DHX38: variants seen among roughly 807,000 people sequenced by gnomAD.
DHX38 encodes the protein pre-mRNA-splicing factor ATP-dependent RNA helicase PRP16.
A neutral mutation model predicts 153.1 loss-of-function variants in DHX38; 100 were observed. That is an observed-to-expected ratio of 0.65 (90% CI 0.56 to 0.77). DHX38 has a LOEUF of 0.77. DHX38 is among the 30% of genes least tolerant of loss of function. The pLI, the probability that DHX38 is intolerant of heterozygous loss-of-function variation, is 0.00. For missense variants in DHX38, 1,440 were observed against 1,654.0 expected (o/e 0.87, Z 2.24); for synonymous variants, 650 against 631.7 (o/e 1.03, Z -0.43).
intron 18 of DHX38, 112 bp downstream of exon 18, chr16:72,105,736 A>AGTG (rs1215221261): frequency 1.4e-5 from 15 of 1,065,722 alleles, no homozygotes; most frequent in African/African-American, 1.6e-5. Flanking sequence ...AGCGCGTGGA[A>AGTG]GTGGTGGTGG....
Position 72,107,248 on chromosome 16 carries a change from A to G in DHX38, c.2601-92A>G. ...CTGAAGTAGTGGGTGGGGAGAAGAA[A>G]TGAGAATTTCCTCCCTCCCTGTGGG... On this transcript the variant is annotated intron_variant, in intron 19 of 26. Transcript: ENST00000268482. This position sits in a 1 kb window ranked among gnomAD's most constrained non-coding sequence, Gnocchi z 5.3. 7.4e-7 allele frequency: 1 copy of G among 1,345,578 alleles called. No individual in the cohort carries two copies. The highest frequency in any genetic ancestry group is 1.0e-6 in the Non-Finnish European group (1 of 990,422). 83.4% of individuals were successfully genotyped at this position (1,345,578 alleles called of 1,614,324 possible).
rs752119455 is a variant in DHX38, at chr16:72,098,974, C to T, written c.812C>T (p.Ser271Phe). The change falls in exon 6 of 27, where the codon TCC becomes TTC. Residue 271 changes from serine to phenylalanine, a missense_variant. Around this residue, in one of 6 missense-constraint regions of DHX38, gnomAD observed 483 missense variants for 465.1 expected, o/e 1.04. Transcript: ENST00000268482. ...GATGACACGCCTCTGCCAACTCCCT[C>T]CTACAAATATAACGAGTGGGCCGAT... Reference protein sequence around the residue: ...YSDDTPLPTPSYKYNEWADDR... With the variant: ...YSDDTPLPTPFYKYNEWADDR... The T allele has an allele frequency of 3.7e-6, 6 of 1,613,968 alleles. No homozygotes were observed. Among genetic ancestry groups the T allele is most frequent in the South Asian group, 3.3e-5 (3 of 91,078 alleles).
At position 72,104,519 on chromosome 16, in the gene DHX38, G is replaced by A. The variant is rs746331841; in HGVS notation, c.2044G>A (p.Val682Ile). ...TCGGCGCTCAGACCTGAAGCTCATC[G>A]TCACATCAGCCACGATGGATGCGGA... ...VARRSDLKLIVTSATMDAEKF... is the reference protein window; with the variant it reads ...VARRSDLKLIITSATMDAEKF... The change falls in exon 15 of 27, where the codon GTC becomes ATC. Residue 682 changes from valine (V) to isoleucine (I), a missense_variant. By Grantham distance (29) the Val-to-Ile change is conservative. Coordinates refer to ENST00000268482, the MANE Select transcript of DHX38 (RefSeq NM_014003.4). This position sits in a 1 kb window ranked among gnomAD's most constrained non-coding sequence, Gnocchi z 4.5. 4.3e-6 allele frequency: 7 copies of A among 1,614,058 alleles called. No individual in the cohort carries two copies. The highest frequency in any genetic ancestry group is 2.7e-5 in the African/African-American group (2 of 75,024).
rs1323762165 is a variant in DHX38 at position 72,107,751 on chromosome 16, G to A, written c.2916G>A (p.Leu972=). Residue 972 remains leucine (L), a synonymous_variant, in exon 21 of 27, where the codon CTG becomes CTA. Transcript: ENST00000268482. The surrounding 1 kb of genome is among the most constrained non-coding windows in gnomAD (Gnocchi z 5.3). ...ACATGGGCTGCAGCTCCGAGATCCT[G>A]CTCATCGTTTCCATGCTCTCGGTCC... ...SCDMGCSSEI[L]LIVSMLSVPA... The A allele has an allele frequency of 1.2e-6, 2 of 1,613,952 alleles. No homozygotes were observed. Among genetic ancestry groups the A allele is most frequent in the African/African-American group, 1.3e-5 (1 of 74,912 alleles).
At position 72,103,939 on chromosome 16, in the gene DHX38, C is replaced by T. The variant is rs780268507; in HGVS notation, c.1825-7C>T. 3.7e-6 allele frequency: 6 copies of T among 1,613,352 alleles called. No individual in the cohort carries two copies. Among genetic ancestry groups the T allele is most frequent in the Non-Finnish European group, 5.1e-6 (6 of 1,179,304 alleles). ...CAGGGCATCTGAGCCATCTCTCTGA[C>T]CTCCAGGTGGGCTATGCCATCCGCT... On this transcript the variant is annotated splice_polypyrimidine_tract_variant and splice_region_variant and intron_variant, in intron 13 of 26. Coordinates refer to ENST00000268482, the MANE Select transcript of DHX38 (RefSeq NM_014003.4).
chr16:72,111,397 C>T (rs547106105), intron 26 of DHX38, among the ~76,000 whole-genome samples: 9 of 152,190 alleles, frequency 5.9e-5, no homozygotes, highest in South Asian at 2.1e-4. Context: ...TGGGCTTCTG[C>T]GTCTGTGCTG....
At chr16:72,109,600 C>G in intron 25 of DHX38, 90 bp downstream of exon 25, 1 of 1,207,680 alleles carries the variant, frequency 8.3e-7, no homozygotes, top group Non-Finnish European at 1.1e-6. Context: ...GGTCATCCAA[C>G]CCACTTACTT....
At position 72,106,127 on chromosome 16, in the gene DHX38, C is replaced by G; in HGVS notation, c.2600+10C>G. ...CAGGTCAGTGTTTCAGGTAGGAGCC[C>G]TGTGCTAGCCTGCTTTCTGGGGCAG... On this transcript the variant is annotated intron_variant, in intron 19 of 26. Transcript: ENST00000268482. The G allele has an allele frequency of 6.2e-7, 1 of 1,613,284 alleles. No homozygotes were observed. Among genetic ancestry groups the G allele is most frequent in the Non-Finnish European group, 8.5e-7 (1 of 1,179,490 alleles).
rs768937822 is a variant in DHX38 at position 72,109,405 on chromosome 16, C to T, written c.3382-10C>T. ...CTGTGACCCTCGCCTCCCTGCCCTT[C>T]TGCCCGCAGGAGTATATGCAGTGTG... On this transcript the variant is annotated splice_polypyrimidine_tract_variant and intron_variant, in intron 24 of 26. Coordinates refer to ENST00000268482, the MANE Select transcript of DHX38 (RefSeq NM_014003.4). 4 of 1,612,404 alleles carry T rather than the reference C, an allele frequency of 2.5e-6. No individual in the cohort carries two copies. The highest frequency in any genetic ancestry group is 3.4e-6 in the Non-Finnish European group (4 of 1,179,524).
chr16:72,094,025 AG>A lies in DHX38; in HGVS notation c.-43del, dbSNP rs966903505. The A allele has an allele frequency of 6.6e-6, 1 of 152,336 alleles. No homozygotes were observed. Among genetic ancestry groups the A allele is most frequent in the African/African-American group, 2.4e-5 (1 of 41,440 alleles). 9.4% of individuals were successfully genotyped at this position (152,336 alleles called of 1,614,324 possible). A position where few individuals can be genotyped will look rare whatever the true frequency, so the allele number is the denominator to read the frequency against. ...CCGGCGCCCCAGAATCCGGGACAGA[AG>A]GGTCCCAAGAGTCGCGCTTGGTGAG... On this transcript the variant is annotated 5_prime_UTR_variant, in exon 1 of 27. Transcript: ENST00000268482.
In DHX38 at chr16:72,111,096, G is replaced by A; in HGVS notation, c.3599+19G>A. The A allele has an allele frequency of 1.3e-6, 2 of 1,545,182 alleles. No individual in the cohort carries two copies. The highest frequency in any genetic ancestry group is 2.4e-5 in the East Asian group (1 of 41,096). ...GTGTCAGGTGAGCTCCGGCCTTCGG[G>A]CTCTGGCTGGGGTGGCACCCATCCC... On this transcript the variant is annotated intron_variant, in intron 26 of 26. Coordinates refer to ENST00000268482, the MANE Select transcript of DHX38 (RefSeq NM_014003.4).
rs975609261 is a variant in DHX38, at chr16:72,096,033, G to A, written c.-19-106G>A. The A allele has an allele frequency of 6.8e-6, 8 of 1,170,226 alleles. No individual in the cohort carries two copies. In the African/African-American group the frequency reaches 1.1e-4, roughly 16 times the overall value. The allele number at this position is 1,170,226 out of a possible 1,614,324, so 72.5% of individuals were successfully genotyped here. A position where few individuals can be genotyped will look rare whatever the true frequency, so the allele number is the denominator to read the frequency against. Reference sequence around the variant, plus strand: ...AGCAAAAGTAGTCCTGGTCTTAAGGGGAGATGGGGAAGGTTAATCACCTAC... The same window carrying A: ...AGCAAAAGTAGTCCTGGTCTTAAGGAGAGATGGGGAAGGTTAATCACCTAC... On this transcript the variant is annotated intron_variant, in intron 1 of 26. Coordinates refer to ENST00000268482, the MANE Select transcript of DHX38 (RefSeq NM_014003.4).
At chr16:72,109,107 C>T (rs1239213619) in intron 24 of DHX38, among the ~76,000 whole-genome samples, 182 bp downstream of exon 24, 1 of 152,194 alleles carries the variant, frequency 6.6e-6, no homozygotes, top group Non-Finnish European at 1.5e-5. Flanking sequence ...ACAGGGTTGA[C>T]CTCTAGACTG....
intron 18 of DHX38, 37 bp from the exon 19 acceptor site, chr16:72,105,968 C>T (rs1012054160): frequency 6.3e-6 from 10 of 1,595,310 alleles, no homozygotes; most frequent in Middle Eastern, 1.7e-4. Context: ...TTTCCCCTCA[C>T]TCTGTCCTTC....
chr16:72,099,010 A>T lies in DHX38; in HGVS notation c.848A>T (p.His283Leu). ...KYNEWADDRR[H>L]LGSTPRLSRG... Reference sequence around the variant, plus strand: ...AACGAGTGGGCCGATGACAGAAGACACTTGGGGTCCACCCCGCGTCTGTCC... The same window carrying T: ...AACGAGTGGGCCGATGACAGAAGACTCTTGGGGTCCACCCCGCGTCTGTCC... The change falls in exon 6 of 27, where the codon CAC becomes CTC. Residue 283 changes from histidine (H) to leucine (L), a missense_variant. This residue lies in a region of DHX38 where 483 missense variants were observed against 465.1 expected (regional missense o/e 1.04). Transcript: ENST00000268482. The T allele has an allele frequency of 6.2e-7, 1 of 1,613,112 alleles. No homozygotes were observed. The highest frequency in any genetic ancestry group is 1.1e-5 in the South Asian group (1 of 91,022).
At chr16:72,099,486 G>T (rs2042068605) in intron 7 of DHX38, among the ~76,000 whole-genome samples, 1 of 152,124 alleles carries the variant, frequency 6.6e-6, no homozygotes, top group East Asian at 1.9e-4. Flanking sequence ...GTTATGTGTT[G>T]GTGCCACCAT....
chr16:72,097,522 A>C, intron 3 of DHX38, 155 bp from the exon 4 acceptor site: 1 of 620,196 alleles, frequency 1.6e-6, no homozygotes, highest in South Asian at 2.4e-5. Flanking sequence ...CCTTGGGAGA[A>C]TGGGGATAGG....
intron 25 of DHX38, 57 bp from the exon 26 acceptor site, chr16:72,110,899 G>GCA: frequency 6.6e-7 from 1 of 1,520,868 alleles, no homozygotes; most frequent in Admixed American, 2.1e-5. Flanking sequence ...GTGCCGACGA[G>GCA]GCCTCCTTCC....
At chr16:72,096,789 AG>A (rs760434453) in intron 2 of DHX38, 32 bp from the exon 3 acceptor site, 1 of 1,589,406 alleles carries the variant, frequency 6.3e-7, no homozygotes, top group Non-Finnish European at 8.6e-7. Context: ...TCTCCTATGG[AG>A]GGGCCTTTAC....
Sources: gnomAD v4.1 joint callset for allele counts (sites outside exome capture counted in the v4.1 genomes callset) on GRCh38, gnomAD v4.1.1 for gene constraint, gnomAD v4.1.1 regional missense constraint, Gnocchi (gnomAD v3.1) non-coding constraint, MANE v1.5 for transcripts, NCBI Gene and HGNC (gene_info 2026-07-23, HGNC 2026-07-21) for gene names.